The following ARHGAP6 variants were observed in gnomAD, a reference collection of about 807,000 sequenced individuals.
ARHGAP6 encodes the protein rho GTPase-activating protein 6.
ARHGAP6 carries 16 observed loss-of-function variants against 55.7 expected under a neutral mutation model. That is an observed-to-expected ratio of 0.29 (90% CI 0.19 to 0.44). The LOEUF (loss-of-function observed/expected upper bound fraction) is 0.44, where lower values mean the gene tolerates loss of function less well. Ranked by LOEUF, ARHGAP6 falls within the 20% of genes least tolerant of loss-of-function variation. The pLI, the probability that ARHGAP6 is intolerant of heterozygous loss-of-function variation, is 1.00. For missense variants in ARHGAP6, 698 were observed against 808.9 expected (o/e 0.86, Z 1.66); for synonymous variants, 382 against 360.9 (o/e 1.06, Z -0.66).
chrX:11,236,826 G>A (rs1482310405), intron 2 of ARHGAP6, among the ~76,000 whole-genome samples: 1 of 112,085 alleles, frequency 8.9e-6, no homozygotes, highest in African/African-American at 3.2e-5. Context: ...TCCAATAAGC[G>A]CAGTTCTGTC....
intron 1 of ARHGAP6, among the ~76,000 whole-genome samples, chrX:11,544,716 T>G (rs2051194673): frequency 8.9e-6 from 1 of 112,164 alleles, no homozygotes; most frequent in South Asian, 3.7e-4. Flanking sequence ...ACTTGAATCG[T>G]GTGATTTCTT....
At chrX:11,325,481 A>T (rs918640380) in intron 1 of ARHGAP6, among the ~76,000 whole-genome samples, 1 of 112,205 alleles carries the variant, frequency 8.9e-6, no homozygotes, top group East Asian at 2.8e-4. Context: ...TTATTCATTT[A>T]CCACTAAATA....
chrX:11,655,809 C>G (rs1403093699), intron 1 of ARHGAP6, among the ~76,000 whole-genome samples: 2 of 112,599 alleles, frequency 1.8e-5, no homozygotes, highest in African/African-American at 6.5e-5. Flanking sequence ...GCCCCAAAGG[C>G]AAGCCTCTGG....
At chrX:11,573,020 A>C (rs201380255) in intron 1 of ARHGAP6, among the ~76,000 whole-genome samples, 9,011 of 110,833 alleles carry the variant, frequency 0.081, 385 homozygotes, top group East Asian at 0.19. Context: ...TCCTTTGCCC[A>C]CTTTTTGATG....
intron 1 of ARHGAP6, among the ~76,000 whole-genome samples, chrX:11,503,515 T>C (rs1378763933): frequency 8.9e-6 from 1 of 111,976 alleles, no homozygotes. Flanking sequence ...CACAGCAGAC[T>C]AGGAATAAAC....
chrX:11,298,421 T>C lies in ARHGAP6; in HGVS notation c.589-43714A>G, dbSNP rs1040939932. 3.5e-6 allele frequency: 4 copies of C among 1,135,845 alleles called. No homozygotes were observed. In the African/African-American group the frequency reaches 5.4e-5, roughly 15 times the overall value. 93.6% of individuals were successfully genotyped at this position (1,135,845 alleles called of 1,213,427 possible). A position where few individuals can be genotyped will look rare whatever the true frequency, so the allele number is the denominator to read the frequency against. On this transcript the variant is annotated intron_variant, in intron 1 of 12. Coordinates refer to ENST00000337414, the MANE Select transcript of ARHGAP6 (RefSeq NM_013427.3). ...AAAAAATCATATCTGTGTACACAGT[T>C]ACAAATTTTTGCAAAGGAAAAATGA... is the stretch of plus-strand genomic sequence containing the variant.
chrX:11,305,649 G>A (rs1232341302), intron 1 of ARHGAP6, among the ~76,000 whole-genome samples: 1 of 111,663 alleles, frequency 9.0e-6, no homozygotes, highest in African/African-American at 3.3e-5. Flanking sequence ...TGTAACTACT[G>A]AATTCAAGGT....
At chrX:11,542,444 C>T (rs1019015758) in intron 1 of ARHGAP6, among the ~76,000 whole-genome samples, 2 of 109,923 alleles carry the variant, frequency 1.8e-5, no homozygotes, top group African/African-American at 6.6e-5. Context: ...CACTGCACTC[C>T]AGCCTGGGTG....
chrX:11,362,964 A>G (rs1340741062), intron 1 of ARHGAP6, among the ~76,000 whole-genome samples: 1 of 112,257 alleles, frequency 8.9e-6, no homozygotes, highest in Non-Finnish European at 1.9e-5. Flanking sequence ...GAAAAAAACT[A>G]CACACATGCG....
chrX:11,480,846 A>G (rs779099796), intron 1 of ARHGAP6, among the ~76,000 whole-genome samples: 1 of 111,813 alleles, frequency 8.9e-6, no homozygotes, highest in South Asian at 3.8e-4. Context: ...ATGATGCTGC[A>G]TCCTGTACCT....
At chrX:11,364,320 A>T (rs2049047940) in intron 1 of ARHGAP6, among the ~76,000 whole-genome samples, 1 of 109,593 alleles carries the variant, frequency 9.1e-6, no homozygotes, top group Admixed American at 9.8e-5. Flanking sequence ...ATTTACCTAT[A>T]TAACAAACCT....
At chrX:11,323,695 T>C (rs112660106) in intron 1 of ARHGAP6, among the ~76,000 whole-genome samples, 31 of 109,371 alleles carry the variant, frequency 2.8e-4, no homozygotes, top group African/African-American at 1.0e-3. Flanking sequence ...TGAAACCCTG[T>C]CTCTACTAAA....
At chrX:11,603,102 G>A (rs188624818) in intron 1 of ARHGAP6, among the ~76,000 whole-genome samples, 5 of 111,943 alleles carry the variant, frequency 4.5e-5, no homozygotes, top group East Asian at 2.8e-4. Flanking sequence ...CATGACCTTC[G>A]CTCTGAAAAG....
chrX:11,520,674 C>G (rs940766820), intron 1 of ARHGAP6, among the ~76,000 whole-genome samples: 1 of 111,306 alleles, frequency 9.0e-6, no homozygotes, highest in Non-Finnish European at 1.9e-5. Context: ...TGGGTATATA[C>G]CCAGTAATGC....
chrX:11,207,019 G>A (rs2046713559), intron 2 of ARHGAP6, among the ~76,000 whole-genome samples: 2 of 110,934 alleles, frequency 1.8e-5, no homozygotes. Context: ...AGTTAATAAA[G>A]TCCCCATTTC....
intron 1 of ARHGAP6, among the ~76,000 whole-genome samples, chrX:11,606,071 C>T (rs2052032991): frequency 9.0e-6 from 1 of 111,497 alleles, no homozygotes; most frequent in Non-Finnish European, 1.9e-5. Flanking sequence ...AGGCAGTTCG[C>T]TGTGATGAAT....
At chrX:11,609,295 C>G (rs1013579715) in intron 1 of ARHGAP6, among the ~76,000 whole-genome samples, 4 of 111,540 alleles carry the variant, frequency 3.6e-5, no homozygotes, top group African/African-American at 1.3e-4. Flanking sequence ...AAAAAAAAGT[C>G]AAAAAGTACA....
intron 1 of ARHGAP6, among the ~76,000 whole-genome samples, chrX:11,466,161 T>C (rs1352866437): frequency 9.0e-6 from 1 of 111,720 alleles, no homozygotes; most frequent in Non-Finnish European, 1.9e-5. Flanking sequence ...CTTTGTAGAG[T>C]ACACATTTCC....
chrX:11,358,098 T>A (rs1341034592), intron 1 of ARHGAP6, among the ~76,000 whole-genome samples: 2 of 112,050 alleles, frequency 1.8e-5, no homozygotes, highest in East Asian at 2.8e-4. Context: ...CTCTGTGGAT[T>A]TGCCTGTTCT....
Sources: gnomAD v4.1 joint callset for allele counts (sites outside exome capture counted in the v4.1 genomes callset) on GRCh38, gnomAD v4.1.1 for gene constraint, MANE v1.5 for transcripts, NCBI Gene and HGNC (gene_info 2026-07-23, HGNC 2026-07-21) for gene names.